The following CHTF18 variants were observed in gnomAD, a reference collection of about 807,000 sequenced individuals.
CHTF18 encodes the protein chromosome transmission fidelity protein 18 homolog.
CHTF18 carries 151 observed loss-of-function variants against 113.4 expected under a neutral mutation model. The observed-to-expected ratio is 1.33, with a 90% CI of 1.17 to 1.52. The LOEUF (loss-of-function observed/expected upper bound fraction) is 1.52, where lower values mean the gene tolerates loss of function less well. Ranked by LOEUF, CHTF18 falls within the 40% of genes most tolerant of loss-of-function variation. The pLI, the probability that CHTF18 is intolerant of heterozygous loss-of-function variation, is 0.00. For missense variants in CHTF18, 1,982 were observed against 1,381.6 expected (o/e 1.43, Z -6.89); for synonymous variants, 916 against 598.8 (o/e 1.53, Z -7.74).
Position 791,841 on chromosome 16 carries a change from T to C in CHTF18, c.1105-10T>C, listed in dbSNP as rs754594045. ...GGTGCACACTACGCCTTCATCTACC[T>C]GGGCTGCAGGTGGCACTGCTCTGTG... On this transcript the variant is annotated splice_polypyrimidine_tract_variant and intron_variant, in intron 8 of 21. Coordinates refer to ENST00000262315, the MANE Select transcript of CHTF18 (RefSeq NM_022092.3). The C allele has an allele frequency of 2.1e-5, 33 of 1,596,968 alleles. No individual in the cohort carries two copies. The Admixed American group carries it at 5.0e-4, about 24-fold the overall frequency.
At chr16:791,022 C>G (rs571019965) in intron 7 of CHTF18, 139 bp from the exon 8 acceptor site, 2 of 1,475,836 alleles carry the variant, frequency 1.4e-6, no homozygotes, top group Non-Finnish European at 1.8e-6. Context: ...TGCGGTCACT[C>G]GCTGGCAGGA....
At chr16:793,838 C>G (rs932576111) in intron 14 of CHTF18, 1 of 641,026 alleles carries the variant, frequency 1.6e-6, no homozygotes, top group Non-Finnish European at 2.7e-6. Context: ...CAGGGCTCCT[C>G]TCAGAGTGGG....
chr16:795,959 C>T lies in CHTF18; in HGVS notation c.2338C>T (p.Leu780=), dbSNP rs1390822283. ...TCCCATCCCCTAGGTGAGCACACAG[C>T]TGTACAGCACCCGTGAAAAGCAACA... is the stretch of plus-strand genomic sequence containing the variant. ...APKLRPVSTQ[L]YSTREKQQLA... The change falls in exon 18 of 22, where the codon CTG becomes TTG. Residue 780 remains leucine, a synonymous_variant. Coordinates refer to ENST00000262315, the MANE Select transcript of CHTF18 (RefSeq NM_022092.3). 8.1e-6 allele frequency: 13 copies of T among 1,609,644 alleles called. No individual in the cohort carries two copies. The highest frequency in any genetic ancestry group is 1.3e-5 in the African/African-American group (1 of 74,952).
chr16:790,295 G>A lies in CHTF18; in HGVS notation c.699+26G>A, dbSNP rs369085988. 177 of 1,609,032 alleles carry A rather than the reference G, an allele frequency of 1.1e-4. No homozygotes were observed. The African/African-American group carries it at 2.3e-3, about 21-fold the overall frequency. On this transcript the variant is annotated intron_variant, in intron 5 of 21. Coordinates refer to ENST00000262315, the MANE Select transcript of CHTF18 (RefSeq NM_022092.3). ...GTAGGGGCTGCGGGTTTGCTGGGGGGCGGTGGCGGGGCCGCCTGAGCCCTC... is the reference window on the plus strand; with the variant it reads ...GTAGGGGCTGCGGGTTTGCTGGGGGACGGTGGCGGGGCCGCCTGAGCCCTC...
At chr16:790,887 A>C (rs1661636751) in intron 7 of CHTF18, 2 of 1,431,976 alleles carry the variant, frequency 1.4e-6, no homozygotes, top group Non-Finnish European at 1.8e-6. Flanking sequence ...GTGTCACCTG[A>C]TCCAAGTCTC....
rs1289239885 is a variant in CHTF18 at position 791,350 on chromosome 16, A to G, written c.1084A>G (p.Ser362Gly). 14 of 1,605,390 alleles carry G rather than the reference A, an allele frequency of 8.7e-6. No individual in the cohort carries two copies. In the Admixed American group the frequency reaches 1.5e-4, roughly 17 times the overall value. ...GATGCTGGAGGCTGGGCTGGACCCG[A>G]GCCAGCGACCGAAGCAGAAGGTGAG... ...EEMLEAGLDP[S>G]QRPKQKVALL... Residue 362 changes from serine to glycine, a missense_variant, in exon 8 of 22, where the codon AGC (serine) becomes GGC (glycine). Transcript: ENST00000262315.
At chr16:789,467 C>G in intron 3 of CHTF18, 80 bp from the exon 4 acceptor site, 1 of 1,538,412 alleles carries the variant, frequency 6.5e-7, no homozygotes, top group South Asian at 1.2e-5. Flanking sequence ...GGTTCCATGG[C>G]TGAGAGCAGT....
Position 791,952 on chromosome 16 carries a change from AGTGATGTGAGGTCC to A in CHTF18, c.1202+7_1202+20del. 1 of 1,604,842 alleles carries A rather than the reference AGTGATGTGAGGTCC, an allele frequency of 6.2e-7. No homozygotes were observed. Among genetic ancestry groups the A allele is most frequent in the African/African-American group, 1.3e-5 (1 of 74,852 alleles). On this transcript the variant is annotated splice_donor_5th_base_variant and intron_variant, in intron 9 of 21. Transcript: ENST00000262315. ...CTGTGGTGGAGATGAACGCCAGGTGAGTGATGTGAGGTCCGTCTCTGGCTCGCCTTCTGTCCTGA... is the reference window on the plus strand; with the variant it reads ...CTGTGGTGGAGATGAACGCCAGGTGAGTCTCTGGCTCGCCTTCTGTCCTGA...
At position 795,685 on chromosome 16, in the gene CHTF18, G is replaced by A; in HGVS notation, c.2176G>A (p.Ala726Thr). ...GGCCTTGGCTCACCCCCTGCCCCAG[G>A]CCCAGAACCGGATGAGCCAGATGAG... ...RITFPSSQQE[A>T]QNRMSQMRNL... Residue 726 changes from alanine to threonine, a missense_variant and splice_region_variant, in exon 17 of 22, where the codon GCC becomes ACC. Transcript: ENST00000262315. 3 of 1,593,714 alleles carry A rather than the reference G, an allele frequency of 1.9e-6. No individual in the cohort carries two copies. In the South Asian group the frequency reaches 3.3e-5, roughly 18 times the overall value.
At chr16:793,355 T>C in intron 14 of CHTF18, 81 bp downstream of exon 14, 3 of 1,510,982 alleles carry the variant, frequency 2.0e-6, no homozygotes, top group South Asian at 1.2e-5. Flanking sequence ...AGGCCAGCAC[T>C]ACCTTCGAGG....
rs755309939 is a variant in CHTF18 at position 794,187 on chromosome 16, G to C, written c.1936G>C (p.Glu646Gln). 6.2e-7 allele frequency: 1 copy of C among 1,611,500 alleles called. No individual in the cohort carries two copies. The highest frequency in any genetic ancestry group is 2.2e-5 in the East Asian group (1 of 44,834). Residue 646 changes from glutamate (E) to glutamine (Q), a missense_variant, in exon 15 of 22, where the codon GAG becomes CAG. Transcript: ENST00000262315. ...TGCCGCTGCCTCTGCGGGCGAGCAC[G>C]AGAAGGTGGTCCAGGTACCTGTCTT... ...LHAAASAGEH[E>Q]KVVQGLFDNF...
rs756508846 is a variant in CHTF18, at chr16:796,796, C to A, written c.2536C>A (p.Arg846Ser). The A allele has an allele frequency of 6.2e-7, 1 of 1,610,984 alleles. No individual in the cohort carries two copies. The highest frequency in any genetic ancestry group is 1.1e-5 in the South Asian group (1 of 91,044). ...CTACCAGACGAAGCAGCTCATCGCCCGCGAGATCGAGGTGGAGAAGATGCG... is the reference window on the plus strand; with the variant it reads ...CTACCAGACGAAGCAGCTCATCGCCAGCGAGATCGAGGTGGAGAAGATGCG... ...LTYQTKQLIA[R>S]EIEVEKMRRA... Residue 846 changes from arginine (R) to serine (S), a missense_variant, in exon 19 of 22, where the codon CGC becomes AGC. Arg to Ser is a moderately radical substitution (Grantham distance 110). Transcript: ENST00000262315.
Position 789,547 on chromosome 16 carries a change from A to G in CHTF18, c.438A>G (p.Gly146=). Residue 146 remains glycine, a splice_region_variant and synonymous_variant, in exon 4 of 22, where the codon GGA becomes GGG. Transcript: ENST00000262315. ...CCACTGAGCCCCGGTCTCTCTCCAG[A>G]GTCTCAGAAGCTGCTGCCGACGTGG... ...PEDLAELWGH[G]VSEAAADVGL... The G allele has an allele frequency of 1.9e-6, 3 of 1,597,416 alleles. No homozygotes were observed. Among genetic ancestry groups the G allele is most frequent in the South Asian group, 1.1e-5 (1 of 90,384 alleles).
rs1241864795 is a variant in CHTF18 at position 792,571 on chromosome 16, A to T, written c.1459A>T (p.Ile487Phe). 1.3e-6 allele frequency: 2 copies of T among 1,596,392 alleles called. No individual in the cohort carries two copies. The highest frequency in any genetic ancestry group is 1.1e-5 in the South Asian group (1 of 89,012). The change falls in exon 11 of 22, where the codon ATC becomes TTC. Residue 487 changes from isoleucine (I) to phenylalanine (F), a missense_variant. Transcript: ENST00000262315. ...GGGGGGGCTCCTCATGAGGCCCATT[A>T]TCTGCATTTGCAATGACCAGTGAGT... ...AEGGLLMRPI[I>F]CICNDQFAPS...
intron 5 of CHTF18, 27 bp from the exon 6 acceptor site, chr16:790,320 C>G (rs376304766): frequency 4.3e-6 from 7 of 1,611,876 alleles, no homozygotes; most frequent in Non-Finnish European, 5.9e-6. Flanking sequence ...CCTGAGCCCT[C>G]CTGATTCCAG....
In CHTF18 at chr16:789,649, G is replaced by T; in HGVS notation, c.540G>T (p.Val180=). 1 of 1,606,088 alleles carries T rather than the reference G, an allele frequency of 6.2e-7. No individual in the cohort carries two copies. ...CCATCTTGGAGGACTACGTCCACGT[G>T]ACATCCACGGAGGGCGTCCGGGCTT... ...RPPILEDYVH[V]TSTEGVRAYL... The change falls in exon 4 of 22, where the codon GTG becomes GTT. Residue 180 remains valine (V), a synonymous_variant. Coordinates refer to ENST00000262315, the MANE Select transcript of CHTF18 (RefSeq NM_022092.3).
In CHTF18 at chr16:790,530, G is replaced by A; in HGVS notation, c.758G>A (p.Arg253Lys). The change falls in exon 7 of 22, where the codon AGG (arginine) becomes AAG (lysine). Residue 253 changes from arginine to lysine, a missense_variant. Arg to Lys is a conservative substitution (Grantham distance 26, BLOSUM62 2). Coordinates refer to ENST00000262315, the MANE Select transcript of CHTF18 (RefSeq NM_022092.3). ...CAGGACGTGGTCCTCTCCAGTCTCA[G>A]GTCGGGGGAGGAGGAGGCAGCCCAG... Reference protein sequence around the residue: ...QKLSDTLHSLRSGEEEAAQPL... With the variant: ...QKLSDTLHSLKSGEEEAAQPL... 1 of 1,600,356 alleles carries A rather than the reference G, an allele frequency of 6.2e-7. No homozygotes were observed. The highest frequency in any genetic ancestry group is 8.5e-7 in the Non-Finnish European group (1 of 1,174,476).
Position 792,471 on chromosome 16 carries a change from C to T in CHTF18, c.1359C>T (p.Asn453=), listed in dbSNP as rs536743360. ...AAINVLLSIL[N]RKGPQEVGPQ... is the part of the protein sequence containing the mutation. ...TCAACGTCCTCCTGAGCATCCTGAACCGCAAGGGGCCACAGGAGGTGGGGC... is the reference window on the plus strand; with the variant it reads ...TCAACGTCCTCCTGAGCATCCTGAATCGCAAGGGGCCACAGGAGGTGGGGC... The change falls in exon 11 of 22, where the codon AAC becomes AAT. Residue 453 remains asparagine, a synonymous_variant. Transcript: ENST00000262315. 37 of 1,579,518 alleles carry T rather than the reference C, an allele frequency of 2.3e-5. No individual in the cohort carries two copies. In the African/African-American group the frequency reaches 4.0e-4, roughly 17 times the overall value.
Position 792,753 on chromosome 16 carries a change from C to G in CHTF18, c.1514C>G (p.Ala505Gly). The G allele has an allele frequency of 1.3e-6, 2 of 1,551,474 alleles. No individual in the cohort carries two copies. Among genetic ancestry groups the G allele is most frequent in the Non-Finnish European group, 1.7e-6 (2 of 1,152,772 alleles). The change falls in exon 12 of 22, where the codon GCC becomes GGC. Residue 505 changes from alanine (A) to glycine (G), a missense_variant. Coordinates refer to ENST00000262315, the MANE Select transcript of CHTF18 (RefSeq NM_022092.3). ...APSLRQLKQQAFLLHFPPTLP... is the reference protein window; with the variant it reads ...APSLRQLKQQGFLLHFPPTLP... ...TCCCTGCGGCAGCTGAAGCAGCAGG[C>G]CTTCCTGCTCCACTTCCCGCCGACT...
Sources: gnomAD v4.1 joint callset for allele counts on GRCh38, gnomAD v4.1.1 for gene constraint, MANE v1.5 for transcripts, NCBI Gene and HGNC (gene_info 2026-07-23, HGNC 2026-07-21) for gene names.